The following NDC80 variants were observed in gnomAD, a reference collection of about 807,000 sequenced individuals.
NDC80 encodes the protein kinetochore protein NDC80 homolog.
Under a neutral mutation model 89.3 loss-of-function variants are expected in NDC80, and 69 were observed. The observed-to-expected ratio is 0.77, with a 90% confidence interval of 0.64 to 0.94. NDC80 has a LOEUF of 0.94. Among genes scored for constraint, NDC80 ranks in the 40% least tolerant of loss-of-function variants. NDC80 has a pLI of 0.00. For missense variants in NDC80, 593 were observed against 739.6 expected, an observed-to-expected ratio of 0.80 and a Z score of 2.30; for synonymous variants, 243 against 255.6, an observed-to-expected ratio of 0.95 and a Z score of 0.47.
chr18:2,595,986 G>T (rs866531716), intron 11 of NDC80, among the ~76,000 whole-genome samples: 2 of 152,230 alleles, frequency 1.3e-5, no homozygotes, highest in Middle Eastern at 6.8e-3. Context: ...CTTATGCTAG[G>T]CATAGAGGAA....
intron 13 of NDC80, among the ~76,000 whole-genome samples, chr18:2,605,822 A>G (rs945090074): frequency 6.6e-6 from 1 of 152,122 alleles, no homozygotes; most frequent in Non-Finnish European, 1.5e-5. Context: ...TTAATTGCTG[A>G]CATCAACTGG....
At chr18:2,612,429 C>A (rs1289953346) in intron 16 of NDC80, among the ~76,000 whole-genome samples, 1 of 151,870 alleles carries the variant, frequency 6.6e-6, no homozygotes, top group African/African-American at 2.4e-5. Context: ...GCTGGGATTA[C>A]AGGCATGTGC....
At chr18:2,576,249 A>C (rs2072545858) in intron 3 of NDC80, among the ~76,000 whole-genome samples, 2 of 152,218 alleles carry the variant, frequency 1.3e-5, no homozygotes, top group Admixed American at 1.3e-4. Flanking sequence ...AACTGAGAAA[A>C]ATTTAAAATA....
intron 6 of NDC80, among the ~76,000 whole-genome samples, chr18:2,584,348 AATAGATAATATATTTAT>A (rs2072593818): frequency 6.6e-6 from 1 of 151,222 alleles, no homozygotes; most frequent in African/African-American, 2.4e-5. Context: ...AATAGATATT[AATAGATAATATATTTAT>A]ATCTAGTATA....
chr18:2,600,131 A>C (rs1568007426), intron 12 of NDC80, among the ~76,000 whole-genome samples: 2 of 152,238 alleles, frequency 1.3e-5, no homozygotes, highest in Non-Finnish European at 2.9e-5. Context: ...TGGTGCAAGA[A>C]AATAATTACA....
At chr18:2,577,032 C>G (rs1447665221) in intron 3 of NDC80, among the ~76,000 whole-genome samples, 1 of 152,062 alleles carries the variant, frequency 6.6e-6, no homozygotes, top group African/African-American at 2.4e-5. Flanking sequence ...GATGAAAAAT[C>G]TTAAGGTATT....
chr18:2,577,879 G>C lies in NDC80; in HGVS notation c.303+10G>C, dbSNP rs770585225. ...TCGACAACTCTGTGAGGTACTTTAG[G>C]ATTTTAATCTAAACTGTGATTGTTG... On this transcript the variant is annotated intron_variant, in intron 4 of 16. Coordinates refer to ENST00000261597, the MANE Select transcript of NDC80 (RefSeq NM_006101.3). 131 of 1,612,718 alleles carry C rather than the reference G, an allele frequency of 8.1e-5. No homozygotes were observed. Among genetic ancestry groups the C allele is most frequent in the Non-Finnish European group, 1.0e-4 (119 of 1,179,394 alleles).
chr18:2,589,420 C>T lies in NDC80; in HGVS notation c.870+110C>T, dbSNP rs532367465. 4.0e-6 allele frequency: 3 copies of T among 759,162 alleles called. No homozygotes were observed. The Admixed American group carries it at 8.1e-5, about 21-fold the overall frequency. 47.0% of individuals were successfully genotyped at this position (759,162 alleles called of 1,614,324 possible). A position where few individuals can be genotyped will look rare whatever the true frequency, so the allele number is the denominator to read the frequency against. On this transcript the variant is annotated intron_variant, in intron 9 of 16. Coordinates refer to ENST00000261597, the MANE Select transcript of NDC80 (RefSeq NM_006101.3). ...TTAAAAAATAGATTAACAAATTAAG[C>T]TTCTTAAAAGTTAAATTTTCACCTA...
intron 16 of NDC80, among the ~76,000 whole-genome samples, chr18:2,615,577 G>C (rs1441193225): frequency 6.6e-6 from 1 of 152,150 alleles, no homozygotes; most frequent in East Asian, 1.9e-4. Context: ...CACATCTACA[G>C]TTTCTTTTGC....
At chr18:2,577,461 G>A (rs944572287) in intron 3 of NDC80, 56 of 254,128 alleles carry the variant, frequency 2.2e-4, no homozygotes, top group Non-Finnish European at 3.0e-4. Context: ...GTGATCCACC[G>A]CCTCAGCCTC....
At position 2,587,900 on chromosome 18, in the gene NDC80, A is replaced by T. The variant is rs765822913; in HGVS notation, c.740A>T (p.Asn247Ile). 177 of 1,613,648 alleles carry T rather than the reference A, an allele frequency of 1.1e-4. 2 individuals carry two copies. The South Asian group carries it at 1.9e-3, about 17-fold the overall frequency. The change falls in exon 8 of 17, where the codon AAT (asparagine) becomes ATT (isoleucine). Residue 247 changes from asparagine to isoleucine, a missense_variant. Transcript: ENST00000261597. ...GGTGCCGACAGCTTTGATGAGATGA[A>T]TGCAGAGCTGCAGTCAAAACTGAGT... ...MSGADSFDEM[N>I]AELQSKLKDL...
At chr18:2,599,228 G>C (rs2072672191) in intron 12 of NDC80, 57 bp downstream of exon 12, 1 of 1,452,316 alleles carries the variant, frequency 6.9e-7, no homozygotes, top group African/African-American at 1.4e-5. Context: ...GTATCTCTAA[G>C]AGTTTGAACT....
Position 2,616,081 on chromosome 18 carries a change from A to G in NDC80, c.1792-356A>G, listed in dbSNP as rs944466534. The stretch of plus-strand genomic sequence containing the variant: ...TGCTCTGTGACACAGGCTGGAGTGC[A>G]GTGGTCCAATCTTGGCTCACTGCAA... On this transcript the variant is annotated intron_variant, in intron 16 of 16. Coordinates refer to ENST00000261597, the MANE Select transcript of NDC80 (RefSeq NM_006101.3). 9.2e-5 allele frequency among the ~76,000 whole-genome samples: 14 copies of G among 152,234 alleles called. No homozygotes were observed. The South Asian group carries it at 1.7e-3, about 18-fold the overall frequency.
chr18:2,583,044 C>T (rs569035554), intron 6 of NDC80, among the ~76,000 whole-genome samples: 2 of 152,328 alleles, frequency 1.3e-5, no homozygotes, highest in Non-Finnish European at 1.5e-5. Context: ...TATCCCAGAT[C>T]CCTCTGTGTC....
At chr18:2,608,944 A>G (rs1172016057) in intron 15 of NDC80, 114 bp downstream of exon 15, 7 of 1,127,724 alleles carry the variant, frequency 6.2e-6, no homozygotes, top group Non-Finnish European at 6.1e-6. Context: ...GCTATTTAGG[A>G]TGGAAAGAAT....
intron 14 of NDC80, among the ~76,000 whole-genome samples, chr18:2,607,698 A>G (rs1401855004): frequency 6.6e-6 from 1 of 151,770 alleles, no homozygotes; most frequent in African/African-American, 2.4e-5. Context: ...ATAAATACTC[A>G]TTAGAAACAA....
intron 10 of NDC80, among the ~76,000 whole-genome samples, chr18:2,593,054 G>GTGT (rs1177243033): frequency 2.3e-5 from 2 of 86,494 alleles, no homozygotes; most frequent in African/African-American, 1.0e-4. Context: ...GTGTGTGTGT[G>GTGT]TCTTTTTTTT....
intron 6 of NDC80, among the ~76,000 whole-genome samples, chr18:2,580,760 T>TTTTTTTTTTTTTTTTTTTTTTTA: frequency 7.8e-6 from 1 of 128,498 alleles, no homozygotes; most frequent in Admixed American, 8.0e-5. Context: ...TTTTTTTTTT[T>TTTTTTTTTTTTTTTTTTTTTTTA]GAGACGAGTC....
intron 13 of NDC80, among the ~76,000 whole-genome samples, chr18:2,605,629 A>G (rs976844996): frequency 2.0e-5 from 3 of 152,130 alleles, no homozygotes; most frequent in Non-Finnish European, 2.9e-5. Flanking sequence ...TGTATATGTC[A>G]CTACCCTGTG....
Sources: allele counts gnomAD v4.1 joint callset (sites outside exome capture counted in the v4.1 genomes callset), GRCh38; gene constraint gnomAD v4.1.1; transcripts MANE v1.5; gene names NCBI Gene and HGNC (gene_info 2026-07-23, HGNC 2026-07-21).